The following SLC36A1 variants were observed in gnomAD, a reference collection of about 807,000 sequenced individuals.
The protein encoded by SLC36A1 is solute carrier family 36 member 1.
In SLC36A1, 30 loss-of-function variants were observed where a neutral mutation model predicts 47.5. That is an observed-to-expected ratio of 0.63 (90% CI 0.47 to 0.86). The LOEUF (loss-of-function observed/expected upper bound fraction) is 0.86. Ranked by LOEUF, SLC36A1 falls within the 40% of genes least tolerant of loss-of-function variation. The pLI is 0.00. For missense variants in SLC36A1, 517 were observed against 606.0 expected (o/e 0.85, Z 1.54); for synonymous variants, 255 against 249.7 (o/e 1.02, Z -0.20).
intron 3 of SLC36A1, 136 bp downstream of exon 3, chr5:151,463,779 T>G: frequency 1.5e-6 from 1 of 689,388 alleles, no homozygotes; most frequent in Non-Finnish European, 2.6e-6. Context: ...AAAAGCGGAA[T>G]TCAGACATTC....
chr5:151,382,419 T>C, the SLC36A1 span: 1 of 653,596 alleles, frequency 1.5e-6, no homozygotes, highest in Non-Finnish European at 2.7e-6. Context: ...AGCTCCTTGC[T>C]CAGTAGGGAT....
At chr5:151,435,181 G>A (rs1239360958), upstream of SLC36A1, among the ~76,000 whole-genome samples, 1 of 152,156 alleles carries the variant, frequency 6.6e-6, no homozygotes, top group Non-Finnish European at 1.5e-5. Flanking sequence ...GGTGAAAAGT[G>A]TTACATTCAA....
the SLC36A1 span, among the ~76,000 whole-genome samples, chr5:151,539,554 A>G: frequency 6.6e-6 from 1 of 152,198 alleles, no homozygotes; most frequent in Non-Finnish European, 1.5e-5. Context: ...CTTTGTGTAT[A>G]TGTGTGGGTA....
chr5:151,419,183 G>C, the SLC36A1 span, among the ~76,000 whole-genome samples: 1 of 152,124 alleles, frequency 6.6e-6, no homozygotes, highest in Non-Finnish European at 1.5e-5. Flanking sequence ...ATCCAGTCTT[G>C]GGCAGTTTTT....
chr5:151,465,128 C>T lies in SLC36A1; in HGVS notation c.378C>T (p.Ser126=), dbSNP rs1455179622. 1 of 1,614,046 alleles carries T rather than the reference C, an allele frequency of 6.2e-7. No homozygotes were observed. Among genetic ancestry groups the T allele is most frequent in the African/African-American group, 1.3e-5 (1 of 74,930 alleles). ...ATACTGTGATGTATGGACTAGAATC[C>T]AGCCCCTGCTCCTGGCTCCGGAACC... ...YGDTVMYGLE[S]SPCSWLRNHA... The change falls in exon 5 of 11, where the codon TCC becomes TCT. Residue 126 remains serine (S), a synonymous_variant. Transcript: ENST00000243389.
chr5:151,549,889 T>C, the SLC36A1 span, among the ~76,000 whole-genome samples: 6 of 152,202 alleles, frequency 3.9e-5, no homozygotes, highest in Non-Finnish European at 8.8e-5. Flanking sequence ...CAAACAGTTT[T>C]CTTTGTTGCA....
At chr5:151,415,550 C>T in the SLC36A1 span, among the ~76,000 whole-genome samples, 1 of 152,132 alleles carries the variant, frequency 6.6e-6, no homozygotes, top group East Asian at 1.9e-4. Flanking sequence ...AGAAGTTTTC[C>T]CCACCTCTTT....
rs570183745 is a variant in SLC36A1, at chr5:151,490,938, G to A, written c.*2684G>A. 6.6e-6 allele frequency: 1 copy of A among 152,382 alleles called. No individual in the cohort carries two copies. The highest frequency in any genetic ancestry group is 1.9e-4 in the East Asian group (1 of 5,192). The allele number at this position is 152,382 out of a possible 1,614,324, so 9.4% of individuals were successfully genotyped here. ...CCTCCCCAGTGTCTTCCCAGGATAA[G>A]TAGAAATATGATCACAGAGCAACGG... On this transcript the variant is annotated 3_prime_UTR_variant, in exon 11 of 11. Coordinates refer to ENST00000243389, the MANE Select transcript of SLC36A1 (RefSeq NM_078483.4).
chr5:151,534,889 T>C, the SLC36A1 span, among the ~76,000 whole-genome samples: 1 of 150,932 alleles, frequency 6.6e-6, no homozygotes, highest in Non-Finnish European at 1.5e-5. Context: ...AAAATAGGTA[T>C]ATTCTTAATG....
chr5:151,419,549 A>G, the SLC36A1 span, among the ~76,000 whole-genome samples: 2 of 152,240 alleles, frequency 1.3e-5, no homozygotes, highest in African/African-American at 4.8e-5. Context: ...TCAAGAATGT[A>G]AAGTAGTTTC....
Position 151,487,963 on chromosome 5 carries a change from C to A in SLC36A1, c.1160-20C>A. Reference sequence around the variant, plus strand: ...CCCAGCTCTGGGCATCTTAAACAGGCATGTCCTCTCTCCCTGCAGGCATCT... The same window carrying A: ...CCCAGCTCTGGGCATCTTAAACAGGAATGTCCTCTCTCCCTGCAGGCATCT... On this transcript the variant is annotated intron_variant, in intron 10 of 10. Transcript: ENST00000243389. The A allele has an allele frequency of 1.9e-6, 3 of 1,613,218 alleles. No homozygotes were observed. The highest frequency in any genetic ancestry group is 2.5e-6 in the Non-Finnish European group (3 of 1,179,704).
At position 151,479,413 on chromosome 5, in the gene SLC36A1, C is replaced by T; in HGVS notation, c.1083C>T (p.Phe361=). 6.2e-7 allele frequency: 1 copy of T among 1,614,220 alleles called. No homozygotes were observed. The change falls in exon 10 of 11, where the codon TTC becomes TTT. Residue 361 remains phenylalanine (F), a synonymous_variant. Coordinates refer to ENST00000243389, the MANE Select transcript of SLC36A1 (RefSeq NM_078483.4). ...TCCCGGCTGAGATCATCATCCCCTTCTTTGTGTCCCGAGCGCCCGAGCACT... is the reference window on the plus strand; with the variant it reads ...TCCCGGCTGAGATCATCATCCCCTTTTTTGTGTCCCGAGCGCCCGAGCACT... ...FYVPAEIIIP[F]FVSRAPEHCE...
At chr5:151,499,134 A>G in the SLC36A1 span, among the ~76,000 whole-genome samples, 1 of 152,238 alleles carries the variant, frequency 6.6e-6, no homozygotes, top group Non-Finnish European at 1.5e-5. Flanking sequence ...CTTTGTATCA[A>G]TCTAACCAGG....
the SLC36A1 span, among the ~76,000 whole-genome samples, chr5:151,420,837 AG>A: frequency 6.6e-6 from 1 of 151,850 alleles, no homozygotes; most frequent in Non-Finnish European, 1.5e-5. Context: ...TTATTTTTTA[AG>A]AAATCTTGTA....
At chr5:151,553,911 T>A in the SLC36A1 span, among the ~76,000 whole-genome samples, 30 of 152,340 alleles carry the variant, frequency 2.0e-4, no homozygotes, top group African/African-American at 6.7e-4. Context: ...TGGCTAGCAA[T>A]GAGACTGGGG....
chr5:151,358,603 A>G, the SLC36A1 span, among the ~76,000 whole-genome samples: 479 of 152,204 alleles, frequency 3.1e-3, 2 homozygotes, highest in African/African-American at 0.011. Context: ...TCTATCCCCA[A>G]TTCCTCAACA....
chr5:151,468,266 A>AAAAAAAAAAAAAT (rs55642458), intron 7 of SLC36A1, among the ~76,000 whole-genome samples: 1 of 63,830 alleles, frequency 1.6e-5, no homozygotes, highest in Non-Finnish European at 2.6e-5. Context: ...AAAAAAAAAA[A>AAAAAAAAAAAAAT]ATATATATAT....
At chr5:151,399,084 ATT>A in the SLC36A1 span, among the ~76,000 whole-genome samples, 1,118 of 59,840 alleles carry the variant, frequency 0.019, 9 homozygotes, top group Middle Eastern at 0.031. Flanking sequence ...ATATATATAT[ATT>A]TTTTTTTTTT....
chr5:151,484,976 C>G (rs1759325368), intron 10 of SLC36A1, among the ~76,000 whole-genome samples: 2 of 152,108 alleles, frequency 1.3e-5, no homozygotes, highest in South Asian at 4.2e-4. Context: ...GGCAGGGAGA[C>G]CCAGACCCCA....
Sources: allele counts gnomAD v4.1 joint callset (sites outside exome capture counted in the v4.1 genomes callset), GRCh38; gene constraint gnomAD v4.1.1; transcripts MANE v1.5; gene names NCBI Gene and HGNC (gene_info 2026-07-23, HGNC 2026-07-21).